Variants in TBL2 observed in about 807,000 individuals in gnomAD.
TBL2 encodes transducin beta like 2.
A neutral mutation model predicts 41.8 loss-of-function variants in TBL2; 33 were observed. That is an observed-to-expected ratio of 0.79 (90% CI 0.60 to 1.06). TBL2 has a LOEUF of 1.06. TBL2 is among the 50% of genes least tolerant of loss of function. The pLI is 0.00. For missense variants in TBL2, 522 were observed against 603.8 expected, an observed-to-expected ratio of 0.86 and a Z score of 1.42; for synonymous variants, 239 against 241.7, an observed-to-expected ratio of 0.99 and a Z score of 0.10.
Position 73,572,930 on chromosome 7 carries a change from G to A in TBL2, c.639C>T (p.Leu213=). ...IMTASSDTTV[L]IWSLKGQVLS... is the part of the protein sequence containing the mutation. The stretch of plus-strand genomic sequence containing the variant: ...GCACTTGACCCTTCAGGCTCCAGAT[G>A]AGGACAGTGGTGTCACTGGAGGCAG... The change falls in exon 5 of 7, where the codon CTC becomes CTT. Residue 213 remains leucine, a synonymous_variant. Coordinates refer to ENST00000305632, the MANE Select transcript of TBL2 (RefSeq NM_012453.4). 1.2e-6 allele frequency: 2 copies of A among 1,614,224 alleles called. No individual in the cohort carries two copies. Among genetic ancestry groups the A allele is most frequent in the Non-Finnish European group, 1.7e-6 (2 of 1,180,042 alleles).
At chr7:73,571,970 G>C in intron 5 of TBL2, 1 of 160,486 alleles carries the variant, frequency 6.2e-6, no homozygotes, top group South Asian at 1.5e-4. Context: ...GGCTGAGGCA[G>C]GAGAATCGCT....
chr7:73,572,417 C>G (rs141809083), intron 5 of TBL2, among the ~76,000 whole-genome samples: 24 of 152,316 alleles, frequency 1.6e-4, no homozygotes, highest in South Asian at 4.1e-4. Context: ...CCACTGCACT[C>G]CTGCCTGGGC....
In TBL2 at chr7:73,570,287, A is replaced by C; in HGVS notation, c.*220T>G. ...ATTCCACCCACTGGGCCTGGGAGGAAGAAAAGCACCTTGGCCACTAGTCAG... is the reference window on the plus strand; with the variant it reads ...ATTCCACCCACTGGGCCTGGGAGGACGAAAAGCACCTTGGCCACTAGTCAG... On this transcript the variant is annotated 3_prime_UTR_variant, in exon 7 of 7. Transcript: ENST00000305632. 4.2e-6 allele frequency: 3 copies of C among 709,978 alleles called. No individual in the cohort carries two copies. Among genetic ancestry groups the C allele is most frequent in the Non-Finnish European group, 6.3e-6 (3 of 476,870 alleles). The allele number at this position is 709,978 out of a possible 1,614,324, so 44.0% of individuals were successfully genotyped here.
At chr7:73,572,752 T>C in intron 5 of TBL2, 92 bp downstream of exon 5, 3 of 1,579,944 alleles carry the variant, frequency 1.9e-6, no homozygotes, top group East Asian at 4.5e-5. Flanking sequence ...CCGTATGCTC[T>C]TCCCACGCGA....
chr7:73,578,401 C>A lies in TBL2; in HGVS notation c.130+19G>T. On this transcript the variant is annotated intron_variant, in intron 1 of 6. Coordinates refer to ENST00000305632, the MANE Select transcript of TBL2 (RefSeq NM_012453.4). Reference sequence around the variant, plus strand: ...CCGGGACACCGCGGGCCGCCCCCACCCGACCCGGCCCCACTTACAGGCGGG... The same window carrying A: ...CCGGGACACCGCGGGCCGCCCCCACACGACCCGGCCCCACTTACAGGCGGG... 1 of 1,523,404 alleles carries A rather than the reference C, an allele frequency of 6.6e-7. No individual in the cohort carries two copies. The highest frequency in any genetic ancestry group is 8.8e-7 in the Non-Finnish European group (1 of 1,136,746). 94.4% of individuals were successfully genotyped at this position (1,523,404 alleles called of 1,614,324 possible). A position where few individuals can be genotyped will look rare whatever the true frequency, so the allele number is the denominator to read the frequency against.
intron 1 of TBL2, 105 bp downstream of exon 1, chr7:73,578,315 G>C: frequency 6.5e-7 from 1 of 1,536,220 alleles, no homozygotes; most frequent in Non-Finnish European, 8.7e-7. Flanking sequence ...GGCCCATGGA[G>C]TCGCCGGGCC....
chr7:73,574,159 C>G (rs782760859), intron 2 of TBL2, 37 bp from the exon 3 acceptor site: 3 of 1,605,160 alleles, frequency 1.9e-6, no homozygotes, highest in Non-Finnish European at 1.7e-6. Flanking sequence ...AATAGGAGCT[C>G]CTGGGGGAGA....
intron 2 of TBL2, 114 bp from the exon 3 acceptor site, chr7:73,574,236 T>G: frequency 6.6e-7 from 1 of 1,524,500 alleles, no homozygotes. Context: ...AAGCTGAGAT[T>G]GGGCTGCGAT....
chr7:73,578,177 C>A, intron 1 of TBL2: 1 of 1,431,430 alleles, frequency 7.0e-7, no homozygotes, highest in South Asian at 1.3e-5. Context: ...GGCCTGGCCT[C>A]GGCCACAGAG....
chr7:73,574,228 G>A, intron 2 of TBL2, 106 bp from the exon 3 acceptor site: 10 of 1,533,292 alleles, frequency 6.5e-6, no homozygotes, highest in Non-Finnish European at 8.8e-6. Flanking sequence ...TTAACAGCAA[G>A]CTGAGATTGG....
intron 2 of TBL2, 50 bp downstream of exon 2, chr7:73,574,333 C>T (rs782790391): frequency 6.2e-7 from 1 of 1,608,680 alleles, no homozygotes; most frequent in South Asian, 1.1e-5. Context: ...AGAGGAAAAG[C>T]CTGTGGGGCT....
Position 73,573,964 on chromosome 7 carries a change from G to C in TBL2, c.420C>G (p.Thr140=). ...TGCAGTCAGGGCTGAAGCGCACCAG[G>C]GTGGCGTGGTCCAGCTCCACGTTGG... is the stretch of plus-strand genomic sequence containing the variant. ...MRANVELDHA[T]LVRFSPDCRA... is the part of the protein sequence containing the mutation. Residue 140 remains threonine (T), a synonymous_variant, in exon 3 of 7, where the codon ACC becomes ACG. Coordinates refer to ENST00000305632, the MANE Select transcript of TBL2 (RefSeq NM_012453.4). The C allele has an allele frequency of 2.5e-6, 4 of 1,613,918 alleles. No individual in the cohort carries two copies. The highest frequency in any genetic ancestry group is 3.4e-6 in the Non-Finnish European group (4 of 1,180,020).
At chr7:73,574,242 G>T in intron 2 of TBL2, 120 bp from the exon 3 acceptor site, 1 of 1,519,902 alleles carries the variant, frequency 6.6e-7, no homozygotes, top group Non-Finnish European at 8.9e-7. Flanking sequence ...AGATTGGGCT[G>T]CGATGAGAGG....
At chr7:73,574,285 C>G in intron 2 of TBL2, 98 bp downstream of exon 2, 1 of 1,553,702 alleles carries the variant, frequency 6.4e-7, no homozygotes, top group Non-Finnish European at 8.7e-7. Flanking sequence ...TGATTCTGAT[C>G]AGAGGCAGGA....
Position 73,568,014 on chromosome 7 carries a change from T to C in TBL2, c.*2493A>G, listed in dbSNP as rs541978938. 2.0e-5 allele frequency among the ~76,000 whole-genome samples: 3 copies of C among 152,314 alleles called. No individual in the cohort carries two copies. Among genetic ancestry groups the C allele is most frequent in the African/African-American group, 7.2e-5 (3 of 41,552 alleles). On this transcript the variant is annotated 3_prime_UTR_variant, in exon 7 of 7. Transcript: ENST00000305632. ...AAGAACAGGTGCGCAAAGGAAGTGT[T>C]TTAGTCTCATTCTTCTGACAATTGC...
At position 73,568,001 on chromosome 7, in the gene TBL2, G is replaced by A. The variant is rs782145386; in HGVS notation, c.*2506C>T. ...CAGAGCTGCTTCTAAGAACAGGTGC[G>A]CAAAGGAAGTGTTTTAGTCTCATTC... On this transcript the variant is annotated 3_prime_UTR_variant, in exon 7 of 7. Coordinates refer to ENST00000305632, the MANE Select transcript of TBL2 (RefSeq NM_012453.4). Among the ~76,000 whole-genome samples, 8 of 152,296 alleles carry A rather than the reference G, an allele frequency of 5.3e-5. No homozygotes were observed. The highest frequency in any genetic ancestry group is 1.3e-4 in the Admixed American group (2 of 15,300).
At chr7:73,574,166 G>A (rs782065211) in intron 2 of TBL2, 44 bp from the exon 3 acceptor site, 7 of 1,602,668 alleles carry the variant, frequency 4.4e-6, no homozygotes, top group Non-Finnish European at 6.0e-6. Context: ...GCTCCTGGGG[G>A]AGATGGGGAA....
intron 1 of TBL2, among the ~76,000 whole-genome samples, chr7:73,575,653 A>T (rs151156691): frequency 0.013 from 1,922 of 152,086 alleles, 43 homozygotes; most frequent in African/African-American, 0.044. Context: ...GCTTGTCTCC[A>T]ACTCCTCACC....
At chr7:73,574,359 C>T (rs781846301) in intron 2 of TBL2, 24 bp downstream of exon 2, 95 of 1,612,194 alleles carry the variant, frequency 5.9e-5, no homozygotes, top group Non-Finnish European at 7.4e-5. Flanking sequence ...TCAGGGTGCA[C>T]GCTGTGCCAG....
Sources: allele counts gnomAD v4.1 joint callset (sites outside exome capture counted in the v4.1 genomes callset), GRCh38; gene constraint gnomAD v4.1.1; transcripts MANE v1.5; gene names NCBI Gene and HGNC (gene_info 2026-07-23, HGNC 2026-07-21).